The following ISM1 variants were observed in gnomAD, a reference collection of about 807,000 sequenced individuals.
ISM1 encodes isthmin-1.
A neutral mutation model predicts 46.3 loss-of-function variants in ISM1; 25 were observed. The observed-to-expected ratio is 0.54, with a 90% confidence interval of 0.39 to 0.75. The LOEUF is 0.75. Ranked by LOEUF, ISM1 falls within the 30% of genes least tolerant of loss-of-function variation. The pLI is 0.00. For missense variants in ISM1, 536 were observed against 625.4 expected, an observed-to-expected ratio of 0.86 and a Z score of 1.52; for synonymous variants, 255 against 256.7, an observed-to-expected ratio of 0.99 and a Z score of 0.06.
intron 1 of ISM1, among the ~76,000 whole-genome samples, chr20:13,257,320 G>T: frequency 6.6e-6 from 1 of 152,152 alleles, no homozygotes; most frequent in Admixed American, 6.5e-5. Context: ...TTTGAGACCA[G>T]CCTGGCCAAC....
chr20:13,279,493 G>A (rs1461620410), intron 2 of ISM1, 141 bp from the exon 3 acceptor site: 2 of 810,632 alleles, frequency 2.5e-6, no homozygotes, highest in Non-Finnish European at 3.8e-6. Context: ...TTTCCATTGT[G>A]TATCGCCATG....
intron 1 of ISM1, among the ~76,000 whole-genome samples, chr20:13,222,842 G>T (rs2039467240): frequency 1.3e-5 from 2 of 152,186 alleles, no homozygotes; most frequent in South Asian, 4.1e-4. Flanking sequence ...GATTTTCCCA[G>T]GAGGCAGAGG....
At chr20:13,278,984 G>A (rs1272033913) in intron 2 of ISM1, among the ~76,000 whole-genome samples, 1 of 152,216 alleles carries the variant, frequency 6.6e-6, no homozygotes, top group Non-Finnish European at 1.5e-5. Context: ...TAAGGCCTCT[G>A]TTAATACCTG....
chr20:13,298,384 G>A (rs1209120517), intron 5 of ISM1, among the ~76,000 whole-genome samples: 2 of 152,176 alleles, frequency 1.3e-5, no homozygotes, highest in African/African-American at 2.4e-5. Context: ...CCAAAGTGCT[G>A]GGATTACAGG....
chr20:13,295,347 G>A (rs777954370), intron 5 of ISM1, among the ~76,000 whole-genome samples: 39 of 152,088 alleles, frequency 2.6e-4, no homozygotes, highest in East Asian at 3.8e-4. Context: ...CCTAGTACCC[G>A]CTGAACCAGC....
intron 1 of ISM1, among the ~76,000 whole-genome samples, chr20:13,232,419 A>G (rs954856682): frequency 6.6e-6 from 1 of 152,224 alleles, no homozygotes; most frequent in African/African-American, 2.4e-5. Context: ...GCATTGCATG[A>G]TATGGCTTTT....
At chr20:13,307,622 G>A in the ISM1 span, among the ~76,000 whole-genome samples, 1 of 152,162 alleles carries the variant, frequency 6.6e-6, no homozygotes, top group Admixed American at 6.5e-5. Context: ...AGAATAATCA[G>A]TATCATGAAT....
chr20:13,257,893 T>C (rs1160354407), intron 1 of ISM1, among the ~76,000 whole-genome samples: 1 of 152,016 alleles, frequency 6.6e-6, no homozygotes, highest in East Asian at 1.9e-4. Context: ...GCAGACTCTC[T>C]TGTTCTAACC....
intron 1 of ISM1, among the ~76,000 whole-genome samples, chr20:13,258,535 T>C (rs1444549732): frequency 6.6e-6 from 1 of 152,140 alleles, no homozygotes; most frequent in Non-Finnish European, 1.5e-5. Flanking sequence ...ATCCTAATAT[T>C]ATGAGGTTTA....
At chr20:13,251,328 G>C (rs972525968) in intron 1 of ISM1, among the ~76,000 whole-genome samples, 2 of 152,244 alleles carry the variant, frequency 1.3e-5, no homozygotes, top group Admixed American at 6.5e-5. Context: ...TATGGAGACT[G>C]TCAGTTCTTA....
At chr20:13,289,866 A>T (rs999745544) in intron 4 of ISM1, among the ~76,000 whole-genome samples, 1 of 152,186 alleles carries the variant, frequency 6.6e-6, no homozygotes, top group Non-Finnish European at 1.5e-5. Flanking sequence ...GAAACCACAC[A>T]TTCCAAATGG....
chr20:13,325,535 A>C, the ISM1 span, among the ~76,000 whole-genome samples: 1 of 152,148 alleles, frequency 6.6e-6, no homozygotes, highest in East Asian at 1.9e-4. Context: ...CCTTTCCCCA[A>C]CTTGTTTCCT....
chr20:13,311,243 T>TAGATGATAGATAGATAGATAGATA, the ISM1 span, among the ~76,000 whole-genome samples: 1 of 127,860 alleles, frequency 7.8e-6, no homozygotes, highest in Non-Finnish European at 1.7e-5. Flanking sequence ...GATAGATAGA[T>TAGATGATAGATAGATAGATAGATA]GATAGATAGA....
rs145969872 is a variant in ISM1 at position 13,282,225 on chromosome 20, G to A, written c.643+2327G>A. On this transcript the variant is annotated intron_variant, in intron 3 of 5. Coordinates refer to ENST00000262487, the MANE Select transcript of ISM1 (RefSeq NM_080826.2). ...TCTCTGAATATGGGTCCCAGGCATCGTTGTCTTTTAAAGCTCCGAGGATGA... is the reference window on the plus strand; with the variant it reads ...TCTCTGAATATGGGTCCCAGGCATCATTGTCTTTTAAAGCTCCGAGGATGA... 2.6e-3 allele frequency among the ~76,000 whole-genome samples: 401 copies of A among 152,182 alleles called. 1 individual carries two copies. The highest frequency in any genetic ancestry group is 9.0e-3 in the African/African-American group (373 of 41,516).
At chr20:13,307,470 T>C in the ISM1 span, among the ~76,000 whole-genome samples, 5 of 152,116 alleles carry the variant, frequency 3.3e-5, no homozygotes, top group African/African-American at 1.2e-4. Context: ...TATTGTGTGG[T>C]TTGATTGTCA....
chr20:13,269,360 A>G (rs1438535761), intron 1 of ISM1, among the ~76,000 whole-genome samples: 1 of 152,230 alleles, frequency 6.6e-6, no homozygotes. Flanking sequence ...CCCCATAGTG[A>G]TAAAGAAATG....
chr20:13,294,540 T>C (rs768153730), intron 5 of ISM1, among the ~76,000 whole-genome samples: 7 of 152,294 alleles, frequency 4.6e-5, no homozygotes, highest in East Asian at 1.9e-4. Flanking sequence ...CAAAGCCACA[T>C]TGGCATGTGG....
At chr20:13,315,099 G>A in the ISM1 span, among the ~76,000 whole-genome samples, 3 of 151,078 alleles carry the variant, frequency 2.0e-5, no homozygotes, top group East Asian at 3.9e-4. Context: ...TGAAAACCAC[G>A]AAAGGCAGAA....
intron 1 of ISM1, among the ~76,000 whole-genome samples, chr20:13,250,801 T>C (rs1157452234): frequency 6.6e-6 from 1 of 152,222 alleles, no homozygotes; most frequent in Non-Finnish European, 1.5e-5. Flanking sequence ...GCAGCTCATC[T>C]GCCCACACAC....
Sources: gnomAD v4.1 joint callset for allele counts (sites outside exome capture counted in the v4.1 genomes callset) on GRCh38, gnomAD v4.1.1 for gene constraint, MANE v1.5 for transcripts, NCBI Gene and HGNC (gene_info 2026-07-23, HGNC 2026-07-21) for gene names.